The following PPM1G variants were observed in gnomAD, a reference collection of about 807,000 sequenced individuals.
The protein encoded by PPM1G is protein phosphatase, Mg2+/Mn2+ dependent 1G, also known as protein phosphatase 1G.
In PPM1G, 12 loss-of-function variants were observed where a neutral mutation model predicts 59.4. The ratio of observed to expected loss-of-function variants is 0.20; its 90% CI spans 0.13 to 0.33. The LOEUF (loss-of-function observed/expected upper bound fraction) is 0.33. PPM1G is among the 10% of genes least tolerant of loss of function. The pLI is 1.00. For synonymous variants in PPM1G, 245 were observed against 251.9 expected (o/e 0.97, Z 0.26); for missense variants, 392 against 681.3 (o/e 0.58, Z 4.73).
rs1266605072 is a variant in PPM1G, at chr2:27,385,890, G to A, written c.277-11C>T. The A allele has an allele frequency of 2.5e-6, 4 of 1,609,188 alleles. No individual in the cohort carries two copies. The highest frequency in any genetic ancestry group is 3.4e-6 in the Non-Finnish European group (4 of 1,178,778). ...GGCATCTTCTAAAGCCTGAATATAA[G>A]CAAAATAGTCTAAGACTAGTACAAA... On this transcript the variant is annotated splice_polypyrimidine_tract_variant and intron_variant, in intron 3 of 9. Coordinates refer to ENST00000344034, the MANE Select transcript of PPM1G (RefSeq NM_177983.3). This position sits in a 1 kb window ranked among gnomAD's most constrained non-coding sequence, Gnocchi z 4.1.
chr2:27,399,194 C>G (rs1011220793), intron 1 of PPM1G, among the ~76,000 whole-genome samples: 1 of 150,664 alleles, frequency 6.6e-6, no homozygotes, highest in South Asian at 2.1e-4. Context: ...AAAAAGAAAG[C>G]AAAAGTCCAC....
In PPM1G at chr2:27,385,786, C is replaced by G; in HGVS notation, c.370G>C (p.Asp124His). 1 of 1,614,002 alleles carries G rather than the reference C, an allele frequency of 6.2e-7. No homozygotes were observed. Among genetic ancestry groups the G allele is most frequent in the Non-Finnish European group, 8.5e-7 (1 of 1,179,982 alleles). Reference protein sequence around the residue: ...LAQIAGRPTEDEDEKEKVADE... With the variant: ...LAQIAGRPTEHEDEKEKVADE... ...GCTACTTTTTCTTTTTCATCTTCATCCTCAGTGGGTCGCCCTGCAATCTGT... is the reference window on the plus strand; with the variant it reads ...GCTACTTTTTCTTTTTCATCTTCATGCTCAGTGGGTCGCCCTGCAATCTGT... Residue 124 changes from aspartate to histidine, a missense_variant, in exon 4 of 10, where the codon GAT becomes CAT. Physicochemically the swap from Asp to His is moderately conservative, Grantham distance 81 (BLOSUM62 -1). Around this residue, in one of 6 missense-constraint regions of PPM1G, gnomAD observed 188 missense variants for 248.8 expected, o/e 0.76. Transcript: ENST00000344034. This position sits in a 1 kb window ranked among gnomAD's most constrained non-coding sequence, Gnocchi z 4.1.
rs1683964666 is a variant in PPM1G at position 27,393,339 on chromosome 2, C to T, written c.121-6181G>A. ...CTCTGAGTCTTGGTGGTAGTTCTGG[C>T]GCACCTGCGAGGTAGACGCGGTCGT... On this transcript the variant is annotated intron_variant, in intron 1 of 9. Transcript: ENST00000344034. The T allele has an allele frequency of 3.1e-5, 49 of 1,596,758 alleles. No homozygotes were observed. In the South Asian group the frequency reaches 5.3e-4, roughly 17 times the overall value.
chr2:27,399,185 A>AC (rs1228750585), intron 1 of PPM1G, among the ~76,000 whole-genome samples: 8 of 144,448 alleles, frequency 5.5e-5, no homozygotes, highest in African/African-American at 1.8e-4. Context: ...ACAAAACAAA[A>AC]AAAGAAAGCA....
In PPM1G at chr2:27,382,436, C is replaced by T; in HGVS notation, c.1331+40G>A. ...CCTGAGTCCTATAAGAGAAGACATG[C>T]TGCAGAAAGGGGAATTTAGGGCATT... On this transcript the variant is annotated intron_variant, in intron 8 of 9. Coordinates refer to ENST00000344034, the MANE Select transcript of PPM1G (RefSeq NM_177983.3). The surrounding 1 kb of genome is among the most constrained non-coding windows in gnomAD (Gnocchi z 4.2). 2 of 1,611,956 alleles carry T rather than the reference C, an allele frequency of 1.2e-6. No individual in the cohort carries two copies. The highest frequency in any genetic ancestry group is 1.7e-6 in the Non-Finnish European group (2 of 1,179,132).
chr2:27,405,036 T>C (rs1663320469), intron 1 of PPM1G, among the ~76,000 whole-genome samples: 1 of 64 alleles, frequency 0.016, no homozygotes, highest in Non-Finnish European at 0.025. Context: ...GGGCCTTACC[T>C]TATAATTTTT....
chr2:27,398,111 A>G (rs138834242), intron 1 of PPM1G, among the ~76,000 whole-genome samples: 236 of 152,328 alleles, frequency 1.5e-3, no homozygotes, highest in African/African-American at 5.3e-3. Context: ...TTCAAAACGT[A>G]CTAAAAAGCT....
chr2:27,407,929 C>A (rs1000788341), intron 1 of PPM1G, among the ~76,000 whole-genome samples: 3 of 152,032 alleles, frequency 2.0e-5, no homozygotes, highest in African/African-American at 7.2e-5. Flanking sequence ...TGCCTGTAAT[C>A]CCAACTACTA....
chr2:27,381,814 G>C lies in PPM1G; in HGVS notation c.1435-9C>G, dbSNP rs1429541080. The C allele has an allele frequency of 6.2e-7, 1 of 1,612,032 alleles. No individual in the cohort carries two copies. The highest frequency in any genetic ancestry group is 1.7e-5 in the Admixed American group (1 of 59,982). ...AGGCACTGATCCAGCAGCTAAGAAA[G>C]GGATGGGGGTAGCTCAGCCACAGGG... On this transcript the variant is annotated splice_polypyrimidine_tract_variant and intron_variant, in intron 9 of 9. Coordinates refer to ENST00000344034, the MANE Select transcript of PPM1G (RefSeq NM_177983.3).
Position 27,382,687 on chromosome 2 carries a change from T to C in PPM1G, c.1202-82A>G. ...GTGGCAGGTCAAACCTTGCCATTCA[T>C]TTCCCTTCTTTACAAAGTTCCATAA... On this transcript the variant is annotated intron_variant, in intron 7 of 9. Transcript: ENST00000344034. The surrounding 1 kb of genome is among the most constrained non-coding windows in gnomAD (Gnocchi z 4.2). 4 of 1,529,016 alleles carry C rather than the reference T, an allele frequency of 2.6e-6. No individual in the cohort carries two copies. The highest frequency in any genetic ancestry group is 2.7e-6 in the Non-Finnish European group (3 of 1,115,158). 94.7% of individuals were successfully genotyped at this position (1,529,016 alleles called of 1,614,324 possible).
At chr2:27,395,605 G>A (rs557664027) in intron 1 of PPM1G, among the ~76,000 whole-genome samples, 7 of 152,218 alleles carry the variant, frequency 4.6e-5, no homozygotes, top group South Asian at 4.1e-4. Context: ...TATTTTGGGA[G>A]GCTGAGGTGG....
At chr2:27,409,155 C>A (rs1316091280) in intron 1 of PPM1G, 148 bp downstream of exon 1, 1 of 1,214,234 alleles carries the variant, frequency 8.2e-7, no homozygotes, top group Non-Finnish European at 1.1e-6. Flanking sequence ...CGGCCCTGAC[C>A]CCGCGGTCTC....
At chr2:27,386,711 C>T (rs577661689) in intron 2 of PPM1G, 48 of 182,096 alleles carry the variant, frequency 2.6e-4, no homozygotes, top group Middle Eastern at 2.7e-3. Flanking sequence ...CCCACCACTA[C>T]GCCCAGCTAA....
intron 1 of PPM1G, among the ~76,000 whole-genome samples, chr2:27,389,760 T>TG (rs770662879): frequency 2.0e-5 from 3 of 152,150 alleles, no homozygotes; most frequent in Non-Finnish European, 4.4e-5. Context: ...GATCAGGAGT[T>TG]GGAGACCAGC....
In PPM1G at chr2:27,389,590, A is replaced by G. The variant is rs1728925; in HGVS notation, c.121-2432T>C. On this transcript the variant is annotated intron_variant, in intron 1 of 9. Transcript: ENST00000344034. ...TTTCAACATGGTCTCTTAGAAATCTAGAAAAACTCACCCAACCTTGTATAA... is the reference window on the plus strand; with the variant it reads ...TTTCAACATGGTCTCTTAGAAATCTGGAAAAACTCACCCAACCTTGTATAA... Among the ~76,000 whole-genome samples, 777 of 152,326 alleles carry G rather than the reference A, an allele frequency of 5.1e-3. 4 individuals carry two copies. Among genetic ancestry groups the G allele is most frequent in the African/African-American group, 0.018 (740 of 41,580 alleles).
chr2:27,400,615 A>T (rs1384088711), intron 1 of PPM1G, among the ~76,000 whole-genome samples: 3 of 152,094 alleles, frequency 2.0e-5, no homozygotes, highest in Non-Finnish European at 4.4e-5. Flanking sequence ...AAACAACAAT[A>T]ATTAAAACTG....
chr2:27,393,098 G>C, intron 1 of PPM1G: 1 of 1,279,950 alleles, frequency 7.8e-7, no homozygotes, highest in African/African-American at 1.5e-5. Context: ...TCCCCGCACA[G>C]TCTGGTTTCT....
intron 1 of PPM1G, among the ~76,000 whole-genome samples, chr2:27,407,092 A>G (rs1386080192): frequency 2.0e-5 from 3 of 151,780 alleles, no homozygotes; most frequent in Non-Finnish European, 4.4e-5. Flanking sequence ...CAGCCTTCCA[A>G]GTAGCTATGA....
Position 27,383,272 on chromosome 2 carries a change from A to T in PPM1G, c.1201+94T>A. On this transcript the variant is annotated intron_variant, in intron 7 of 9. Transcript: ENST00000344034. This position sits in a 1 kb window ranked among gnomAD's most constrained non-coding sequence, Gnocchi z 5.0. ...GTAGTAGATATTAAAGTGCTTTGAA[A>T]GGCACAAGCACTAGGAAGATTAAAG... 1 of 1,103,674 alleles carries T rather than the reference A, an allele frequency of 9.1e-7. No homozygotes were observed. Among genetic ancestry groups the T allele is most frequent in the South Asian group, 1.4e-5 (1 of 71,556 alleles). The allele number at this position is 1,103,674 out of a possible 1,614,324, so 68.4% of individuals were successfully genotyped here.
Sources: allele counts gnomAD v4.1 joint callset (sites outside exome capture counted in the v4.1 genomes callset), GRCh38; gene constraint gnomAD v4.1.1; regional missense constraint gnomAD v4.1.1; non-coding constraint Gnocchi (gnomAD v3.1); transcripts MANE v1.5; gene names NCBI Gene and HGNC (gene_info 2026-07-23, HGNC 2026-07-21).